The following SRPK2 variants were observed in gnomAD, a reference collection of about 807,000 sequenced individuals.
SRPK2 encodes the protein SRSF protein kinase 2, also known as SFRS protein kinase 2.
In SRPK2, 21 loss-of-function variants were observed where a neutral mutation model predicts 90.8. That is an observed-to-expected ratio of 0.23 (90% confidence interval 0.16 to 0.33). SRPK2 has a LOEUF of 0.33. Among genes scored for constraint, SRPK2 ranks in the 10% least tolerant of loss-of-function variants. The pLI, the probability that SRPK2 is intolerant of heterozygous loss-of-function variation, is 1.00. For missense variants in SRPK2, 620 were observed against 869.0 expected, an observed-to-expected ratio of 0.71 and a Z score of 3.60; for synonymous variants, 288 against 311.1, an observed-to-expected ratio of 0.93 and a Z score of 0.78.
intron 2 of SRPK2, among the ~76,000 whole-genome samples, chr7:105,387,117 C>T (rs1417342715): frequency 2.0e-5 from 3 of 152,310 alleles, no homozygotes; most frequent in Middle Eastern, 3.4e-3. Flanking sequence ...TGCACATATA[C>T]GTGTCTATTT....
At chr7:105,185,786 A>G (rs1293649048) in intron 3 of SRPK2, among the ~76,000 whole-genome samples, 1 of 152,166 alleles carries the variant, frequency 6.6e-6, no homozygotes, top group East Asian at 1.9e-4. Flanking sequence ...ATCACCATCA[A>G]AAAGTCTAAC....
chr7:105,348,017 T>C (rs560146487), intron 2 of SRPK2, among the ~76,000 whole-genome samples: 1 of 148,570 alleles, frequency 6.7e-6, no homozygotes, highest in South Asian at 2.2e-4. Flanking sequence ...AATTAGTCCA[T>C]ACCAGTGACA....
In SRPK2 at chr7:105,301,972, C is replaced by G. The variant is rs1393370983; in HGVS notation, c.71+86676G>C. 5.0e-6 allele frequency: 8 copies of G among 1,608,394 alleles called. No individual in the cohort carries two copies. In the East Asian group the frequency reaches 1.8e-4, roughly 36 times the overall value. On this transcript the variant is annotated intron_variant, in intron 2 of 15. Coordinates refer to ENST00000393651, the MANE Select transcript of SRPK2 (RefSeq NM_182692.3). ...ACAAAAAAGAATAACTTTCAAAAGC[C>G]CAGAAGCGTAAGCTGGCAGACAAAA...
At chr7:105,355,237 T>G (rs1817643682) in intron 2 of SRPK2, among the ~76,000 whole-genome samples, 1 of 152,120 alleles carries the variant, frequency 6.6e-6, no homozygotes, top group African/African-American at 2.4e-5. Context: ...GGCTAACGCC[T>G]ATAATCCTAG....
At chr7:105,291,213 C>T (rs540297772) in intron 2 of SRPK2, among the ~76,000 whole-genome samples, 1 of 152,210 alleles carries the variant, frequency 6.6e-6, no homozygotes, top group African/African-American at 2.4e-5. Context: ...ATGGCAGGGG[C>T]CTGTTCCCAG....
chr7:105,132,987 A>G lies in SRPK2; in HGVS notation c.1644+17T>C. 4.3e-6 allele frequency: 7 copies of G among 1,614,056 alleles called. No homozygotes were observed. The highest frequency in any genetic ancestry group is 5.9e-6 in the Non-Finnish European group (7 of 1,179,898). ...CAGAATCAAGACCAAAGGTTTTAGA[A>G]AGAAAACTCTACTTACCACCCAACA... On this transcript the variant is annotated intron_variant, in intron 12 of 15. Transcript: ENST00000393651.
chr7:105,164,375 G>A (rs998534628), intron 6 of SRPK2, among the ~76,000 whole-genome samples: 2 of 152,136 alleles, frequency 1.3e-5, no homozygotes, highest in Non-Finnish European at 2.9e-5. Flanking sequence ...CTCATCAAAC[G>A]AGGGCAATTT....
At chr7:105,144,715 A>C (rs1420779646) in intron 9 of SRPK2, among the ~76,000 whole-genome samples, 1 of 152,194 alleles carries the variant, frequency 6.6e-6, no homozygotes, top group Non-Finnish European at 1.5e-5. Flanking sequence ...CCATCACCTC[A>C]CATTTCACTA....
intron 2 of SRPK2, among the ~76,000 whole-genome samples, chr7:105,298,338 T>C (rs1810111949): frequency 1.3e-5 from 2 of 152,326 alleles, no homozygotes; most frequent in South Asian, 4.1e-4. Context: ...ATGAGTAGTA[T>C]TCCATTGTTA....
chr7:105,168,856 A>G (rs1300272824), intron 4 of SRPK2, among the ~76,000 whole-genome samples: 2 of 151,658 alleles, frequency 1.3e-5, no homozygotes, highest in East Asian at 1.9e-4. Context: ...TGAAACGCCT[A>G]TACTATACAT....
intron 11 of SRPK2, among the ~76,000 whole-genome samples, chr7:105,134,554 C>G (rs895117301): frequency 2.0e-5 from 3 of 152,234 alleles, no homozygotes; most frequent in Non-Finnish European, 2.9e-5. Flanking sequence ...TAGGAGAGCC[C>G]CTTTGTTTCC....
chr7:105,288,777 C>T (rs937452476), intron 2 of SRPK2, among the ~76,000 whole-genome samples: 2 of 151,984 alleles, frequency 1.3e-5, no homozygotes, highest in Non-Finnish European at 2.9e-5. Context: ...TAGAGCCATC[C>T]TCCCAGATGC....
intron 10 of SRPK2, among the ~76,000 whole-genome samples, 170 bp from the exon 11 acceptor site, chr7:105,142,660 CA>C (rs1309176458): frequency 1.3e-5 from 2 of 152,150 alleles, no homozygotes; most frequent in African/African-American, 2.4e-5. Flanking sequence ...TCTCATTTTT[CA>C]TTCATTTAGT....
At chr7:105,191,526 C>A (rs191851343) in intron 3 of SRPK2, among the ~76,000 whole-genome samples, 9 of 152,288 alleles carry the variant, frequency 5.9e-5, no homozygotes, top group Admixed American at 2.6e-4. Flanking sequence ...CCACTGCCTT[C>A]CAGCCTACGC....
chr7:105,130,155 A>T (rs1487752067), intron 13 of SRPK2, among the ~76,000 whole-genome samples: 1 of 152,212 alleles, frequency 6.6e-6, no homozygotes, highest in Admixed American at 6.5e-5. Flanking sequence ...GTGCTTCTCC[A>T]GCTGCAGAGC....
At chr7:105,355,108 G>A (rs181660547) in intron 2 of SRPK2, among the ~76,000 whole-genome samples, 14 of 152,098 alleles carry the variant, frequency 9.2e-5, no homozygotes, top group Non-Finnish European at 1.9e-4. Flanking sequence ...ATATTCCATT[G>A]TAAGGATATG....
At chr7:105,367,210 G>A (rs1332077127) in intron 2 of SRPK2, among the ~76,000 whole-genome samples, 7 of 152,012 alleles carry the variant, frequency 4.6e-5, no homozygotes, top group East Asian at 3.9e-4. Flanking sequence ...ACCAAGATAC[G>A]CAATTTACTG....
rs372108891 is a variant in SRPK2 at position 105,132,990 on chromosome 7, A to C, written c.1644+14T>G. 10 of 1,614,130 alleles carry C rather than the reference A, an allele frequency of 6.2e-6. No individual in the cohort carries two copies. Among genetic ancestry groups the C allele is most frequent in the Non-Finnish European group, 7.6e-6 (9 of 1,179,938 alleles). ...AATCAAGACCAAAGGTTTTAGAAAG[A>C]AAACTCTACTTACCACCCAACAAGC... On this transcript the variant is annotated intron_variant, in intron 12 of 15. Transcript: ENST00000393651.
rs1332909354 is a variant in SRPK2, at chr7:105,250,793, C to T, written c.72-47008G>A. Among the ~76,000 whole-genome samples the T allele has an allele frequency of 9.2e-5, 14 of 152,296 alleles. No homozygotes were observed. The East Asian group carries it at 2.5e-3, about 27-fold the overall frequency. On this transcript the variant is annotated intron_variant, in intron 2 of 15. Coordinates refer to ENST00000393651, the MANE Select transcript of SRPK2 (RefSeq NM_182692.3). ...AAAACCTTTAGTGGTCCCCATAAAA[C>T]CTGTAATTCCATTAAACAAGTAGAT...
Sources: allele counts gnomAD v4.1 joint callset (sites outside exome capture counted in the v4.1 genomes callset), GRCh38; gene constraint gnomAD v4.1.1; transcripts MANE v1.5; gene names NCBI Gene and HGNC (gene_info 2026-07-23, HGNC 2026-07-21).